The following FAXDC2 variants were observed in gnomAD, a reference collection of about 807,000 sequenced individuals.
FAXDC2 encodes the protein fatty acid hydroxylase domain containing 2, also known as fatty acid hydroxylase domain-containing protein 2.
In FAXDC2, 41 loss-of-function variants were observed where a neutral mutation model predicts 40.9. That is an observed-to-expected ratio of 1.00 (90% CI 0.78 to 1.30). The LOEUF (loss-of-function observed/expected upper bound fraction) is 1.30. Among genes scored for constraint, FAXDC2 ranks in the 50% most tolerant of loss-of-function variants. The pLI, the probability that FAXDC2 is intolerant of heterozygous loss-of-function variation, is 0.00. For synonymous variants in FAXDC2, 157 were observed against 149.3 expected (o/e 1.05, Z -0.38); for missense variants, 390 against 408.8 (o/e 0.95, Z 0.40).
intron 1 of FAXDC2, among the ~76,000 whole-genome samples, chr5:154,843,190 T>G (rs1418459017): frequency 2.0e-5 from 3 of 152,176 alleles, no homozygotes; most frequent in South Asian, 2.1e-4. Context: ...ATTTGGGGTT[T>G]GTTTGTTTGC....
At chr5:154,828,479 G>A (rs138434282) in intron 5 of FAXDC2, among the ~76,000 whole-genome samples, 1 of 152,208 alleles carries the variant, frequency 6.6e-6, no homozygotes, top group African/African-American at 2.4e-5. Context: ...CCACAGACAG[G>A]AGCAAGGAGA....
chr5:154,850,119 T>C (rs1055447437), intron 1 of FAXDC2, among the ~76,000 whole-genome samples: 3 of 152,230 alleles, frequency 2.0e-5, no homozygotes, highest in Admixed American at 2.0e-4. Flanking sequence ...GCCTCTCATT[T>C]GAGTTCTGAA....
intron 5 of FAXDC2, among the ~76,000 whole-genome samples, chr5:154,825,650 C>CAAAAA (rs386358555): frequency 0.035 from 1,067 of 30,112 alleles, 245 homozygotes; most frequent in Non-Finnish European, 0.052. Context: ...GACTCCGTCT[C>CAAAAA]AAAAAAAAAA....
chr5:154,823,763 G>A (rs1759948630), intron 5 of FAXDC2, 171 bp from the exon 6 acceptor site: 3 of 605,284 alleles, frequency 5.0e-6, no homozygotes, highest in Admixed American at 5.7e-5. Context: ...TGCAGAATAA[G>A]GCCCTGGCTG....
chr5:154,822,621 C>G, intron 6 of FAXDC2, 44 bp from the exon 7 acceptor site: 1 of 1,510,548 alleles, frequency 6.6e-7, no homozygotes, highest in Non-Finnish European at 9.2e-7. Context: ...ATTCCTCTTT[C>G]TCCCTCCCCG....
In FAXDC2 at chr5:154,830,791, C is replaced by G. The variant is rs1760168309; in HGVS notation, c.366+10G>C. 3 of 1,613,858 alleles carry G rather than the reference C, an allele frequency of 1.9e-6. No individual in the cohort carries two copies. Among genetic ancestry groups the G allele is most frequent in the Non-Finnish European group, 2.5e-6 (3 of 1,179,800 alleles). ...TCTGTGCTTTGACCAGAAGTTGCAACAACACTTACAGGTTCATTCTTGCCG... is the reference window on the plus strand; with the variant it reads ...TCTGTGCTTTGACCAGAAGTTGCAAGAACACTTACAGGTTCATTCTTGCCG... On this transcript the variant is annotated intron_variant, in intron 5 of 8. Coordinates refer to ENST00000326080, the MANE Select transcript of FAXDC2 (RefSeq NM_032385.5).
intron 4 of FAXDC2, among the ~76,000 whole-genome samples, chr5:154,834,071 A>G (rs1339061383): frequency 6.8e-6 from 1 of 147,530 alleles, no homozygotes; most frequent in African/African-American, 2.5e-5. Context: ...ATTATATATA[A>G]TATATATTAA....
chr5:154,845,393 C>A (rs1760575197), intron 1 of FAXDC2, among the ~76,000 whole-genome samples: 1 of 152,218 alleles, frequency 6.6e-6, no homozygotes, highest in Admixed American at 6.5e-5. Context: ...CACTGAAGTA[C>A]CATAGTCATT....
chr5:154,823,992 T>C (rs1759954775), intron 5 of FAXDC2: 1 of 241,590 alleles, frequency 4.1e-6, no homozygotes, highest in Admixed American at 5.0e-5. Flanking sequence ...TTAGCCCCTC[T>C]TCATCAGAGA....
intron 5 of FAXDC2, among the ~76,000 whole-genome samples, chr5:154,828,317 TTTTG>T (rs1760096167): frequency 1.3e-5 from 2 of 152,072 alleles, no homozygotes; most frequent in Non-Finnish European, 2.9e-5. Context: ...TTTTGTTTTG[TTTTG>T]TTTTTTAGAT....
chr5:154,844,817 C>G (rs1212955280), intron 1 of FAXDC2, among the ~76,000 whole-genome samples: 1 of 152,178 alleles, frequency 6.6e-6, no homozygotes. Context: ...CTCTGGTTCA[C>G]TCTACAGGGC....
chr5:154,844,871 G>A (rs759941226), intron 1 of FAXDC2, among the ~76,000 whole-genome samples: 97 of 152,140 alleles, frequency 6.4e-4, no homozygotes, highest in African/African-American at 1.9e-3. Context: ...TGGAAACTGC[G>A]TATTGCTGAG....
intron 6 of FAXDC2, chr5:154,823,166 C>T: frequency 1.9e-6 from 1 of 534,482 alleles, no homozygotes; most frequent in Non-Finnish European, 3.4e-6. Context: ...TACACACCAC[C>T]ATGCCTGGCT....
At chr5:154,829,961 AGGAAGG>A (rs1760147786) in intron 5 of FAXDC2, among the ~76,000 whole-genome samples, 1 of 152,202 alleles carries the variant, frequency 6.6e-6, no homozygotes, top group African/African-American at 2.4e-5. Flanking sequence ...AGTCCAGTTC[AGGAAGG>A]GGCCCACTTC....
chr5:154,820,440 A>T lies in FAXDC2; in HGVS notation c.878T>A (p.Leu293Gln). The T allele has an allele frequency of 6.8e-6, 11 of 1,612,996 alleles. No homozygotes were observed. The highest frequency in any genetic ancestry group is 9.3e-6 in the Non-Finnish European group (11 of 1,179,620). Residue 293 changes from leucine (L) to glutamine (Q), a missense_variant, in exon 9 of 9, where the codon CTG (leucine) becomes CAG (glutamine). Transcript: ENST00000326080. ...GGTGTCAGTCCCATGGAGGTGGTCC[A>T]GCACACCCAGCACCCCATAGCACTG... ...FNQCYGVLGVLDHLHGTDTMF... is the reference protein window; with the variant it reads ...FNQCYGVLGVQDHLHGTDTMF...
chr5:154,829,909 C>T (rs192000412), intron 5 of FAXDC2, among the ~76,000 whole-genome samples: 8 of 152,312 alleles, frequency 5.3e-5, no homozygotes, highest in Non-Finnish European at 1.0e-4. Context: ...GCCTGGCTGG[C>T]AGCTGTTGTC....
intron 2 of FAXDC2, among the ~76,000 whole-genome samples, chr5:154,837,064 T>C (rs959991113): frequency 2.6e-5 from 4 of 152,170 alleles, no homozygotes; most frequent in African/African-American, 9.7e-5. Context: ...TGCACTGAAC[T>C]GTTTCTTCTC....
Position 154,823,515 on chromosome 5 carries a change from G to T in FAXDC2, c.444C>A (p.Val148=). The change falls in exon 6 of 9, where the codon GTC becomes GTA. Residue 148 remains valine (V), a synonymous_variant. Coordinates refer to ENST00000326080, the MANE Select transcript of FAXDC2 (RefSeq NM_032385.5). Reference sequence around the variant, plus strand: ...ACCATTTGAGGAAGGGATAGAGGAAGACCACCATGGGGAAAGATATCATGC... The same window carrying T: ...ACCATTTGAGGAAGGGATAGAGGAATACCACCATGGGGAAAGATATCATGC... ...NQCMISFPMV[V]FLYPFLKWWR... The T allele has an allele frequency of 1.2e-6, 2 of 1,614,222 alleles. No homozygotes were observed. Among genetic ancestry groups the T allele is most frequent in the Non-Finnish European group, 1.7e-6 (2 of 1,180,028 alleles).
At chr5:154,823,701 G>A (rs1344434101) in intron 5 of FAXDC2, 109 bp from the exon 6 acceptor site, 7 of 872,382 alleles carry the variant, frequency 8.0e-6, no homozygotes, top group Admixed American at 4.5e-5. Context: ...GAGAGATGTC[G>A]GGGGACAGCC....
Sources: allele counts gnomAD v4.1 joint callset (sites outside exome capture counted in the v4.1 genomes callset), GRCh38; gene constraint gnomAD v4.1.1; transcripts MANE v1.5; gene names NCBI Gene and HGNC (gene_info 2026-07-23, HGNC 2026-07-21).